MYH15: variants seen among roughly 807,000 people sequenced by gnomAD.
MYH15 encodes myosin-15.
Under a neutral mutation model 240.5 loss-of-function variants are expected in MYH15, and 227 were observed. The ratio of observed to expected loss-of-function variants is 0.94; its 90% CI spans 0.85 to 1.05. MYH15 has a LOEUF of 1.05. MYH15 is among the 50% of genes least tolerant of loss of function. MYH15 has a pLI of 0.00. For missense variants in MYH15, 2,217 were observed against 2,247.5 expected, an observed-to-expected ratio of 0.99 and a Z score of 0.27; for synonymous variants, 785 against 796.7, an observed-to-expected ratio of 0.99 and a Z score of 0.25.
At chr3:108,507,632 G>T (rs1401770781) in intron 1 of MYH15, among the ~76,000 whole-genome samples, 2 of 152,112 alleles carry the variant, frequency 1.3e-5, no homozygotes, top group Non-Finnish European at 2.9e-5. Context: ...AAAGAATTTG[G>T]TTGCTCACGA....
chr3:108,485,436 T>C (rs2083298341), intron 10 of MYH15, among the ~76,000 whole-genome samples: 1 of 152,232 alleles, frequency 6.6e-6, no homozygotes, highest in African/African-American at 2.4e-5. Flanking sequence ...GGCACAAGAC[T>C]AGGCTTGTTT....
intron 33 of MYH15, among the ~76,000 whole-genome samples, chr3:108,403,584 C>T (rs2082524967): frequency 6.6e-6 from 1 of 150,810 alleles, no homozygotes; most frequent in Admixed American, 6.6e-5. Flanking sequence ...CAGATTAAAC[C>T]TTGGCAGTTT....
In MYH15 at chr3:108,410,715, A is replaced by T. The variant is rs1433077539; in HGVS notation, c.4363T>A (p.Ser1455Thr). ...LADWKQKHEESQALLDASQKE... is the reference protein window; with the variant it reads ...LADWKQKHEETQALLDASQKE... ...TGAGAGGCATCCAGCAACGCCTGGGACTCCTCGTGCTTCTGCTTCCAGTCG... is the reference window on the plus strand; with the variant it reads ...TGAGAGGCATCCAGCAACGCCTGGGTCTCCTCGTGCTTCTGCTTCCAGTCG... Residue 1455 changes from serine to threonine, a missense_variant, in exon 31 of 41, where the codon TCC (serine) becomes ACC (threonine). Coordinates refer to ENST00000693548, the MANE Select transcript of MYH15 (RefSeq NM_014981.3). 6.2e-7 allele frequency: 1 copy of T among 1,614,028 alleles called. No homozygotes were observed. Among genetic ancestry groups the T allele is most frequent in the South Asian group, 1.1e-5 (1 of 91,068 alleles).
At position 108,441,088 on chromosome 3, in the gene MYH15, T is replaced by C; in HGVS notation, c.2828A>G (p.Lys943Arg). The change falls in exon 23 of 41, where the codon AAG becomes AGG. Residue 943 changes from lysine to arginine, a missense_variant. Lys to Arg is a conservative substitution (Grantham distance 26). Coordinates refer to ENST00000693548, the MANE Select transcript of MYH15 (RefSeq NM_014981.3). ...RKLEDECFEL[K>R]KEIDDLETML... ...TGTTTCCAGGTCATCGATTTCTTTC[T>C]TCAACTCAAAACATTCATCTTCGAG... 1 of 1,614,190 alleles carries C rather than the reference T, an allele frequency of 6.2e-7. No individual in the cohort carries two copies. Among genetic ancestry groups the C allele is most frequent in the South Asian group, 1.1e-5 (1 of 91,082 alleles).
intron 15 of MYH15, among the ~76,000 whole-genome samples, chr3:108,464,067 CA>C (rs1229264894): frequency 6.6e-6 from 1 of 152,084 alleles, no homozygotes; most frequent in Non-Finnish European, 1.5e-5. Context: ...GTACAGCTGG[CA>C]GGCCATTTTT....
intron 1 of MYH15, among the ~76,000 whole-genome samples, chr3:108,523,089 T>G (rs554265756): frequency 6.6e-6 from 1 of 152,214 alleles, no homozygotes; most frequent in African/African-American, 2.4e-5. Context: ...GATCATATGC[T>G]TCTGAGAAGG....
At chr3:108,510,623 T>C (rs2083515282), upstream of MYH15, 5 of 1,587,040 alleles carry the variant, frequency 3.2e-6, no homozygotes, top group Admixed American at 1.8e-5. Flanking sequence ...AAGAAAAAAG[T>C]GGAAATAAGG....
intron 1 of MYH15, among the ~76,000 whole-genome samples, chr3:108,519,164 T>A (rs1415325643): frequency 6.6e-6 from 1 of 152,170 alleles, no homozygotes; most frequent in African/African-American, 2.4e-5. Flanking sequence ...ACAGGCAACA[T>A]GTCCTTGGTT....
chr3:108,528,473 T>C (rs531779076), intron 1 of MYH15, among the ~76,000 whole-genome samples: 1 of 152,240 alleles, frequency 6.6e-6, no homozygotes, highest in African/African-American at 2.4e-5. Flanking sequence ...TGGATGATGG[T>C]TGGGTTTTTC....
At chr3:108,507,417 T>C (rs1050177704) in intron 1 of MYH15, among the ~76,000 whole-genome samples, 1 of 146,968 alleles carries the variant, frequency 6.8e-6, no homozygotes, top group Non-Finnish European at 1.5e-5. Flanking sequence ...AACCCCACTA[T>C]AACCACAGCA....
chr3:108,428,252 G>A (rs2082742247), intron 27 of MYH15, among the ~76,000 whole-genome samples: 1 of 152,190 alleles, frequency 6.6e-6, no homozygotes, highest in Admixed American at 6.5e-5. Flanking sequence ...TAAGGAACAT[G>A]GATTTGAATT....
chr3:108,423,393 A>C (rs2082699963), intron 27 of MYH15, among the ~76,000 whole-genome samples: 1 of 152,234 alleles, frequency 6.6e-6, no homozygotes, highest in African/African-American at 2.4e-5. Context: ...AGCTTGGTAG[A>C]AACAGACTTA....
chr3:108,546,923 A>G, the MYH15 span, among the ~76,000 whole-genome samples: 14 of 152,132 alleles, frequency 9.2e-5, no homozygotes, highest in Admixed American at 3.9e-4. Context: ...TAAGGTTTCA[A>G]AGTGATTTGC....
the MYH15 span, chr3:108,549,737 A>T: frequency 6.6e-6 from 1 of 152,176 alleles, no homozygotes; most frequent in Non-Finnish European, 1.5e-5. Context: ...CACTGTCATT[A>T]TCACAGAAAA....
chr3:108,453,960 C>A, intron 21 of MYH15, 46 bp downstream of exon 21: 9 of 1,573,754 alleles, frequency 5.7e-6, no homozygotes, highest in Non-Finnish European at 5.2e-6. Flanking sequence ...CTGGTTGAGG[C>A]ACACTATTAC....
At chr3:108,461,169 T>C (rs1028851107) in intron 16 of MYH15, among the ~76,000 whole-genome samples, 7 of 152,154 alleles carry the variant, frequency 4.6e-5, no homozygotes, top group Non-Finnish European at 1.0e-4. Flanking sequence ...GCTGTCAATA[T>C]GGAAAACTAA....
intron 2 of MYH15, among the ~76,000 whole-genome samples, chr3:108,504,238 T>C (rs1041652231): frequency 3.9e-5 from 6 of 152,224 alleles, no homozygotes; most frequent in African/African-American, 1.4e-4. Flanking sequence ...TAAGTGACCC[T>C]GATTGAGTCT....
chr3:108,507,445 C>G (rs2083487570), intron 1 of MYH15, among the ~76,000 whole-genome samples: 1 of 56,072 alleles, frequency 1.8e-5, no homozygotes, highest in Admixed American at 1.2e-4. Context: ...GTAATGCGAA[C>G]TCAGTCACCA....
At chr3:108,504,026 T>C (rs140618343) in intron 2 of MYH15, among the ~76,000 whole-genome samples, 12 of 152,330 alleles carry the variant, frequency 7.9e-5, no homozygotes, top group Non-Finnish European at 1.5e-4. Flanking sequence ...AACATTATGC[T>C]TAGTGAAAGA....
Sources: gnomAD v4.1 joint callset for allele counts (sites outside exome capture counted in the v4.1 genomes callset) on GRCh38, gnomAD v4.1.1 for gene constraint, MANE v1.5 for transcripts, NCBI Gene and HGNC (gene_info 2026-07-23, HGNC 2026-07-21) for gene names.